Variants in SLC18A2 observed in about 807,000 individuals in gnomAD.
The protein encoded by SLC18A2 is solute carrier family 18 member A2.
A neutral mutation model predicts 59.2 loss-of-function variants in SLC18A2; 33 were observed. The observed-to-expected ratio is 0.56, with a 90% confidence interval of 0.42 to 0.75. The LOEUF is 0.75. Ranked by LOEUF, SLC18A2 falls within the 30% of genes least tolerant of loss-of-function variation. SLC18A2 has a pLI of 0.00. For missense variants in SLC18A2, 569 were observed against 668.6 expected, an observed-to-expected ratio of 0.85 and a Z score of 1.64; for synonymous variants, 228 against 253.5, an observed-to-expected ratio of 0.90 and a Z score of 0.95.
chr10:117,252,566 C>T (rs1844176904), intron 3 of SLC18A2, among the ~76,000 whole-genome samples: 1 of 152,146 alleles, frequency 6.6e-6, no homozygotes, highest in African/African-American at 2.4e-5. Context: ...AGCAGGGACC[C>T]AGCTGTCTAC....
intron 15 of SLC18A2, among the ~76,000 whole-genome samples, chr10:117,273,311 A>C (rs961037998): frequency 6.6e-6 from 1 of 152,250 alleles, no homozygotes; most frequent in African/African-American, 2.4e-5. Flanking sequence ...AAAGTGTCTT[A>C]TAAGACAGTT....
intron 4 of SLC18A2, 43 bp from the exon 5 acceptor site, chr10:117,254,005 C>T (rs1844196026): frequency 6.3e-7 from 1 of 1,583,158 alleles, no homozygotes; most frequent in African/African-American, 1.3e-5. Flanking sequence ...CGGTTGTGTC[C>T]CAGCAGCACT....
intron 3 of SLC18A2, 95 bp from the exon 4 acceptor site, chr10:117,253,304 G>A: frequency 3.4e-6 from 3 of 877,764 alleles, no homozygotes; most frequent in Non-Finnish European, 5.8e-6. Context: ...ACACTTATCT[G>A]TCTGATCCCA....
intron 5 of SLC18A2, 26 bp downstream of exon 5, chr10:117,254,157 T>C (rs968424985): frequency 6.2e-7 from 1 of 1,608,154 alleles, no homozygotes; most frequent in African/African-American, 1.3e-5. Flanking sequence ...CTGAGTGAGT[T>C]CGTGAGGGGC....
intron 15 of SLC18A2, among the ~76,000 whole-genome samples, chr10:117,272,128 A>T (rs1382006836): frequency 1.3e-5 from 2 of 152,092 alleles, no homozygotes; most frequent in Non-Finnish European, 2.9e-5. Flanking sequence ...ACCTCATAGG[A>T]TTGTTGTGAG....
At chr10:117,272,582 TGAAG>T (rs1057348433) in intron 15 of SLC18A2, among the ~76,000 whole-genome samples, 2 of 152,194 alleles carry the variant, frequency 1.3e-5, no homozygotes, top group Non-Finnish European at 2.9e-5. Context: ...AAAAAAATGC[TGAAG>T]GAAGTGGAAG....
At chr10:117,254,553 C>A in intron 6 of SLC18A2, 56 bp downstream of exon 6, 2 of 1,318,852 alleles carry the variant, frequency 1.5e-6, no homozygotes, top group Non-Finnish European at 2.1e-6. Flanking sequence ...TGGTGCTGGA[C>A]AGCGGCAGTC....
intron 8 of SLC18A2, 32 bp downstream of exon 8, chr10:117,255,554 G>A (rs41284384): frequency 3.8e-5 from 62 of 1,614,026 alleles, no homozygotes; most frequent in Non-Finnish European, 4.7e-5. Flanking sequence ...CCCTGGGGGA[G>A]GGGGCATGGT....
In SLC18A2 at chr10:117,267,704, T is replaced by A. The variant is rs754671759; in HGVS notation, c.1154T>A (p.Ile385Lys). ...TTTGCAAAAAACATTTATGGACTCA[T>A]AGCTCCGAACTTTGGAGTTGGTTTT... Reference protein sequence around the residue: ...IPFAKNIYGLIAPNFGVGFAI... With the variant: ...IPFAKNIYGLKAPNFGVGFAI... Residue 385 changes from isoleucine to lysine, a missense_variant, in exon 13 of 16, where the codon ATA becomes AAA. By Grantham distance (102) the Ile-to-Lys change is moderately radical. Coordinates refer to ENST00000644641, the MANE Select transcript of SLC18A2 (RefSeq NM_003054.6). 6.4e-7 allele frequency: 1 copy of A among 1,570,538 alleles called. No individual in the cohort carries two copies. Among genetic ancestry groups the A allele is most frequent in the South Asian group, 1.1e-5 (1 of 87,704 alleles).
rs534529508 is a variant in SLC18A2 at position 117,255,322 on chromosome 10, C to T, written c.746C>T (p.Thr249Met). 1.3e-4 allele frequency: 217 copies of T among 1,614,124 alleles called. 2 individuals carry two copies. The highest frequency in any genetic ancestry group is 1.6e-4 in the Middle Eastern group (1 of 6,084). The change falls in exon 7 of 16, where the codon ACG (threonine) becomes ATG (methionine). Residue 249 changes from threonine to methionine, a missense_variant. Physicochemically the swap from Thr to Met is moderately conservative, Grantham distance 81 (BLOSUM62 -1). This residue lies in a region of SLC18A2 where 377 missense variants were observed against 389.8 expected (regional missense o/e 0.97). Coordinates refer to ENST00000644641, the MANE Select transcript of SLC18A2 (RefSeq NM_003054.6). The part of the protein sequence containing the change: ...GSVLYEFVGK[T>M]APFLVLAALV... ...GTGCTCTATGAGTTTGTGGGGAAGA[C>T]GGCTCCGTTCCTGGTGCTGGCCGCC...
In SLC18A2 at chr10:117,278,612, C is replaced by G. The variant is rs1844534194; in HGVS notation, c.*1346C>G. The G allele has an allele frequency of 6.6e-6, 1 of 152,108 alleles. No homozygotes were observed. Among genetic ancestry groups the G allele is most frequent in the South Asian group, 2.1e-4 (1 of 4,836 alleles). The allele number at this position is 152,108 out of a possible 1,614,324, so 9.4% of individuals were successfully genotyped here. ...AATCCTGCAGTTCTATAATCATAAA[C>G]AAAAATTACTTAGTTTCGTTAAGCT... On this transcript the variant is annotated 3_prime_UTR_variant, in exon 16 of 16. Coordinates refer to ENST00000644641, the MANE Select transcript of SLC18A2 (RefSeq NM_003054.6).
At position 117,279,379 on chromosome 10, in the gene SLC18A2, G is replaced by C. The variant is rs1032697343; in HGVS notation, c.*2113G>C. ...GAATATTCAACTGTTTGACTGCTAA[G>C]TGTATCTGTCCATATTTTAGCAAGT... On this transcript the variant is annotated 3_prime_UTR_variant, in exon 16 of 16. Coordinates refer to ENST00000644641, the MANE Select transcript of SLC18A2 (RefSeq NM_003054.6). 1 of 152,182 alleles carries C rather than the reference G, an allele frequency of 6.6e-6. No individual in the cohort carries two copies. Among genetic ancestry groups the C allele is most frequent in the African/African-American group, 2.4e-5 (1 of 41,442 alleles). The allele number at this position is 152,182 out of a possible 1,614,324, so 9.4% of individuals were successfully genotyped here. A position where few individuals can be genotyped will look rare whatever the true frequency, so the allele number is the denominator to read the frequency against.
chr10:117,243,742 CG>C (rs1844079102), intron 2 of SLC18A2, among the ~76,000 whole-genome samples: 1 of 152,126 alleles, frequency 6.6e-6, no homozygotes, highest in Admixed American at 6.5e-5. Flanking sequence ...GGTGCCACCA[CG>C]CCCAGCTAAT....
chr10:117,276,057 G>A (rs1441378340), intron 15 of SLC18A2, among the ~76,000 whole-genome samples: 1 of 151,948 alleles, frequency 6.6e-6, no homozygotes, highest in African/African-American at 2.4e-5. Context: ...TTGGGAGGTT[G>A]AGGCAGGAAG....
chr10:117,279,220 AAG>A lies in SLC18A2; in HGVS notation c.*1957_*1958del, dbSNP rs1589990122. The A allele has an allele frequency of 6.6e-6, 1 of 152,216 alleles. No individual in the cohort carries two copies. The highest frequency in any genetic ancestry group is 1.9e-4 in the East Asian group (1 of 5,202). 9.4% of individuals were successfully genotyped at this position (152,216 alleles called of 1,614,324 possible). The stretch of plus-strand genomic sequence containing the variant: ...AATATTCTTGGTTAGCAAGACTGGA[AAG>A]AGGTGTTTTTTTAAAATGTACATAC... On this transcript the variant is annotated 3_prime_UTR_variant, in exon 16 of 16. Coordinates refer to ENST00000644641, the MANE Select transcript of SLC18A2 (RefSeq NM_003054.6).
At chr10:117,276,461 A>C (rs565456416) in intron 15 of SLC18A2, among the ~76,000 whole-genome samples, 1 of 151,978 alleles carries the variant, frequency 6.6e-6, no homozygotes, top group African/African-American at 2.4e-5. Context: ...GAAATACAAA[A>C]AAAGTAGCTG....
intron 3 of SLC18A2, among the ~76,000 whole-genome samples, chr10:117,249,733 G>A (rs1844141878): frequency 6.6e-6 from 1 of 152,102 alleles, no homozygotes; most frequent in African/African-American, 2.4e-5. Flanking sequence ...GACCATTTAG[G>A]GACAGATGGG....
chr10:117,249,813 A>G (rs147759056), intron 3 of SLC18A2, among the ~76,000 whole-genome samples: 1 of 142,052 alleles, frequency 7.0e-6, no homozygotes, highest in African/African-American at 2.5e-5. Context: ...CTAGGGATTC[A>G]TTATGTGATT....
At chr10:117,257,423 C>T (rs1436667356) in intron 9 of SLC18A2, among the ~76,000 whole-genome samples, 1 of 152,060 alleles carries the variant, frequency 6.6e-6, no homozygotes, top group Non-Finnish European at 1.5e-5. Flanking sequence ...CCTCAGGCTG[C>T]CCCGAGACTG....
Sources: allele counts gnomAD v4.1 joint callset (sites outside exome capture counted in the v4.1 genomes callset), GRCh38; gene constraint gnomAD v4.1.1; regional missense constraint gnomAD v4.1.1; transcripts MANE v1.5; gene names NCBI Gene and HGNC (gene_info 2026-07-23, HGNC 2026-07-21).